FOCAD: variants seen among roughly 807,000 people sequenced by gnomAD.
FOCAD encodes the protein KIAA1797.
In FOCAD, 198 loss-of-function variants were observed where a neutral mutation model predicts 225.6. The ratio of observed to expected loss-of-function variants is 0.88; its 90% CI spans 0.78 to 0.99. The LOEUF (loss-of-function observed/expected upper bound fraction) is 0.99, where lower values mean the gene tolerates loss of function less well. Ranked by LOEUF, FOCAD falls within the 50% of genes least tolerant of loss-of-function variation. The pLI, the probability that FOCAD is intolerant of heterozygous loss-of-function variation, is 0.00. For missense variants in FOCAD, 2,713 were observed against 2,123.6 expected, an observed-to-expected ratio of 1.28 and a Z score of -5.46; for synonymous variants, 897 against 755.0, an observed-to-expected ratio of 1.19 and a Z score of -3.08.
chr9:20,832,252 G>C (rs1447165997), intron 15 of FOCAD, among the ~76,000 whole-genome samples: 2 of 151,944 alleles, frequency 1.3e-5, no homozygotes, highest in African/African-American at 2.4e-5. Flanking sequence ...CTGTTTTGAG[G>C]AATGCCATAC....
chr9:20,865,587 C>T (rs1318621542), intron 16 of FOCAD, among the ~76,000 whole-genome samples: 1 of 151,786 alleles, frequency 6.6e-6, no homozygotes, highest in Non-Finnish European at 1.5e-5. Context: ...CGTATGGCCA[C>T]ATGGAGAAAG....
At chr9:20,787,838 A>G (rs1820084890) in intron 10 of FOCAD, among the ~76,000 whole-genome samples, 4 of 152,088 alleles carry the variant, frequency 2.6e-5, no homozygotes, top group African/African-American at 9.7e-5. Context: ...AATTGGTAGC[A>G]CTCGAGTCAT....
intron 41 of FOCAD, among the ~76,000 whole-genome samples, chr9:20,989,840 C>T (rs765314416): frequency 7.9e-5 from 12 of 152,192 alleles, no homozygotes; most frequent in Non-Finnish European, 1.5e-4. Context: ...AACGATGTTT[C>T]TCCTGAAATG....
intron 15 of FOCAD, among the ~76,000 whole-genome samples, chr9:20,826,035 C>G (rs1824854190): frequency 6.6e-6 from 1 of 152,046 alleles, no homozygotes; most frequent in African/African-American, 2.4e-5. Context: ...TGGGAATTTA[C>G]AAGTTTGTTT....
At chr9:20,745,865 A>G in intron 5 of FOCAD, among the ~76,000 whole-genome samples, 1 of 152,188 alleles carries the variant, frequency 6.6e-6, no homozygotes, top group East Asian at 1.9e-4. Flanking sequence ...GCCAACAGTA[A>G]TGGATGATTG....
chr9:20,781,090 A>G (rs1374504560), intron 9 of FOCAD, among the ~76,000 whole-genome samples: 1 of 152,260 alleles, frequency 6.6e-6, no homozygotes, highest in African/African-American at 2.4e-5. Context: ...TGAAAAAAGT[A>G]TATTTATGCC....
intron 20 of FOCAD, among the ~76,000 whole-genome samples, chr9:20,884,019 T>C (rs1415040449): frequency 2.0e-5 from 3 of 152,138 alleles, no homozygotes; most frequent in Non-Finnish European, 2.9e-5. Flanking sequence ...TGTATGTGAA[T>C]ACAGGAATGA....
chr9:20,872,293 A>T (rs1414354189), intron 18 of FOCAD, among the ~76,000 whole-genome samples: 1 of 152,082 alleles, frequency 6.6e-6, no homozygotes, highest in Non-Finnish European at 1.5e-5. Context: ...AATATTGATG[A>T]CCCAGGTGCA....
chr9:20,824,568 A>G (rs1824674171), intron 15 of FOCAD, among the ~76,000 whole-genome samples: 1 of 151,988 alleles, frequency 6.6e-6, no homozygotes, highest in African/African-American at 2.4e-5. Flanking sequence ...TCCTCATTCC[A>G]TTTCTCTAAG....
At chr9:20,698,237 T>C (rs1353930331) in intron 1 of FOCAD, among the ~76,000 whole-genome samples, 1 of 152,166 alleles carries the variant, frequency 6.6e-6, no homozygotes, top group Non-Finnish European at 1.5e-5. Context: ...CGGAATACAG[T>C]AGGTTACATA....
At chr9:20,799,486 C>T (rs899576352) in intron 11 of FOCAD, among the ~76,000 whole-genome samples, 6 of 152,114 alleles carry the variant, frequency 3.9e-5, no homozygotes, top group Non-Finnish European at 7.3e-5. Flanking sequence ...GAGTCTAAGT[C>T]TCTTTCTAGG....
chr9:20,820,656 A>G (rs1049159694), intron 13 of FOCAD, among the ~76,000 whole-genome samples: 9 of 152,100 alleles, frequency 5.9e-5, no homozygotes, highest in Admixed American at 4.6e-4. Context: ...GTATCTTTCC[A>G]TTTGCTTGAG....
intron 9 of FOCAD, among the ~76,000 whole-genome samples, chr9:20,780,452 C>G (rs1162462319): frequency 6.6e-6 from 1 of 152,154 alleles, no homozygotes; most frequent in African/African-American, 2.4e-5. Flanking sequence ...CTTTTTCTTT[C>G]TCTCGTAAAC....
Position 20,661,568 on chromosome 9 carries a change from G to T in FOCAD, c.-78+2742G>T, listed in dbSNP as rs1014100893. Among the ~76,000 whole-genome samples the T allele has an allele frequency of 6.6e-5, 10 of 152,158 alleles. No homozygotes were observed. In the East Asian group the frequency reaches 1.9e-3, roughly 29 times the overall value. On this transcript the variant is annotated intron_variant, in intron 2 of 45. Transcript: ENST00000380249. ...GTCTAAGAGGGAACTGTTAAACTGAGATATTCTCAGTGTCCTTCTTTTTCT... is the reference window on the plus strand; with the variant it reads ...GTCTAAGAGGGAACTGTTAAACTGATATATTCTCAGTGTCCTTCTTTTTCT...
intron 11 of FOCAD, among the ~76,000 whole-genome samples, chr9:20,802,403 A>G (rs898143755): frequency 2.0e-5 from 3 of 152,112 alleles, no homozygotes; most frequent in African/African-American, 7.2e-5. Context: ...GAAGTGTCCT[A>G]TAGTTATCTT....
At chr9:20,919,123 A>G (rs1036196531) in intron 24 of FOCAD, among the ~76,000 whole-genome samples, 1 of 152,218 alleles carries the variant, frequency 6.6e-6, no homozygotes, top group African/African-American at 2.4e-5. Context: ...AAGTCTCAGG[A>G]TACAAAATCA....
At chr9:20,818,963 T>C (rs1374731716) in intron 11 of FOCAD, among the ~76,000 whole-genome samples, 3 of 152,160 alleles carry the variant, frequency 2.0e-5, no homozygotes, top group Non-Finnish European at 4.4e-5. Context: ...TGGGAAATAA[T>C]GATGTCTTAA....
intron 26 of FOCAD, chr9:20,929,034 T>C (rs558890792): frequency 5.5e-6 from 1 of 180,422 alleles, no homozygotes; most frequent in African/African-American, 2.4e-5. Flanking sequence ...TTTTTTAATA[T>C]ATATACATGT....
intron 5 of FOCAD, among the ~76,000 whole-genome samples, chr9:20,752,312 A>G (rs563391496): frequency 0.057 from 8,590 of 150,304 alleles, 419 homozygotes; most frequent in African/African-American, 0.14. Context: ...TAAGTCTTTA[A>G]TCCATCTTGA....
Sources: gnomAD v4.1 joint callset for allele counts (sites outside exome capture counted in the v4.1 genomes callset) on GRCh38, gnomAD v4.1.1 for gene constraint, MANE v1.5 for transcripts, NCBI Gene and HGNC (gene_info 2026-07-23, HGNC 2026-07-21) for gene names.